Variants in ADAMTS17 observed in about 807,000 individuals in gnomAD.
ADAMTS17 encodes the protein A disintegrin and metalloproteinase with thrombospondin motifs 17.
In ADAMTS17, 113 loss-of-function variants were observed where a neutral mutation model predicts 141.5. The ratio of observed to expected loss-of-function variants is 0.80; its 90% CI spans 0.69 to 0.93. The LOEUF (loss-of-function observed/expected upper bound fraction) is 0.93, where lower values mean the gene tolerates loss of function less well. Ranked by LOEUF, ADAMTS17 falls within the 40% of genes least tolerant of loss-of-function variation. The pLI, the probability that ADAMTS17 is intolerant of heterozygous loss-of-function variation, is 0.00. For synonymous variants in ADAMTS17, 768 were observed against 630.6 expected, an observed-to-expected ratio of 1.22 and a Z score of -3.27; for missense variants, 1,659 against 1,517.9, an observed-to-expected ratio of 1.09 and a Z score of -1.54.
In ADAMTS17 at chr15:99,972,118, GTGGGCGCCT is replaced by G. The variant is rs2060221179; in HGVS notation, c.*2275_*2283del. On this transcript the variant is annotated 3_prime_UTR_variant, in exon 22 of 22. Transcript: ENST00000268070. ...TACAAAAAAGTAGGTGGGCGTGGTG[GTGGGCGCCT>G]GTAGTCCCAGCTACTGGGGAGGGTG... The G allele has an allele frequency of 6.6e-6, 1 of 152,378 alleles. No homozygotes were observed. Among genetic ancestry groups the G allele is most frequent in the African/African-American group, 2.4e-5 (1 of 41,436 alleles). The allele number at this position is 152,378 out of a possible 1,614,324, so 9.4% of individuals were successfully genotyped here.
chr15:100,063,802 T>A (rs760368206), intron 15 of ADAMTS17: 3 of 1,260,872 alleles, frequency 2.4e-6, no homozygotes, highest in Non-Finnish European at 2.1e-6. Context: ...ACCTCCACCC[T>A]GCACCAGAGG....
intron 3 of ADAMTS17, among the ~76,000 whole-genome samples, chr15:100,294,602 G>C (rs1246156704): frequency 6.6e-6 from 1 of 151,424 alleles, no homozygotes; most frequent in African/African-American, 2.4e-5. Context: ...CGGCGACTCA[G>C]GAGGCTGAGG....
chr15:99,993,329 C>T lies in ADAMTS17; in HGVS notation c.2797-129G>A, dbSNP rs2060729324. 3.7e-6 allele frequency: 5 copies of T among 1,359,778 alleles called. No homozygotes were observed. The highest frequency in any genetic ancestry group is 5.2e-6 in the Non-Finnish European group (5 of 967,020). The allele number at this position is 1,359,778 out of a possible 1,614,324, so 84.2% of individuals were successfully genotyped here. A position where few individuals can be genotyped will look rare whatever the true frequency, so the allele number is the denominator to read the frequency against. The stretch of plus-strand genomic sequence containing the variant: ...CAAAGATGAAAACCCACACTTCTGT[C>T]CTCAAAAAGCTCCTGGTCTGCAGGG... On this transcript the variant is annotated intron_variant, in intron 19 of 21. Coordinates refer to ENST00000268070, the MANE Select transcript of ADAMTS17 (RefSeq NM_139057.4). The surrounding 1 kb of genome is among the most constrained non-coding windows in gnomAD (Gnocchi z 4.3).
chr15:99,984,904 G>A (rs773390404), intron 20 of ADAMTS17, among the ~76,000 whole-genome samples: 9 of 152,234 alleles, frequency 5.9e-5, no homozygotes, highest in Non-Finnish European at 8.8e-5. Context: ...CTGCAAAGGC[G>A]GCTGGTTTGA....
intron 3 of ADAMTS17, among the ~76,000 whole-genome samples, chr15:100,292,033 C>G (rs987918888): frequency 6.9e-6 from 1 of 145,654 alleles, no homozygotes; most frequent in Non-Finnish European, 1.5e-5. Flanking sequence ...TGTGGAATCA[C>G]GAGAGACGCT....
At chr15:99,981,431 G>GAATT (rs1185834814) in intron 20 of ADAMTS17, among the ~76,000 whole-genome samples, 1 of 152,182 alleles carries the variant, frequency 6.6e-6, no homozygotes, top group African/African-American at 2.4e-5. Flanking sequence ...ACTCTCATCA[G>GAATT]AATTAGGGTT....
At chr15:100,226,559 C>T (rs535819660) in intron 7 of ADAMTS17, among the ~76,000 whole-genome samples, 4 of 152,316 alleles carry the variant, frequency 2.6e-5, no homozygotes, top group Admixed American at 6.5e-5. Context: ...GACTAGACAC[C>T]GAGTGGAAAT....
intron 18 of ADAMTS17, among the ~76,000 whole-genome samples, chr15:100,040,009 C>T (rs2031103801): frequency 6.6e-6 from 1 of 152,152 alleles, no homozygotes; most frequent in African/African-American, 2.4e-5. Flanking sequence ...TAGTATAGCA[C>T]TCCTGCTTTC....
At chr15:100,131,592 T>C (rs931924452) in intron 12 of ADAMTS17, among the ~76,000 whole-genome samples, 2 of 151,964 alleles carry the variant, frequency 1.3e-5, no homozygotes, top group Non-Finnish European at 2.9e-5. Context: ...ATGGCAAATA[T>C]TAGGATGAGG....
At chr15:100,008,792 G>A (rs1475073322) in intron 18 of ADAMTS17, among the ~76,000 whole-genome samples, 1 of 152,216 alleles carries the variant, frequency 6.6e-6, no homozygotes, top group East Asian at 1.9e-4. Flanking sequence ...GGTCAGCCCT[G>A]TGACTCTAAC....
intron 15 of ADAMTS17, among the ~76,000 whole-genome samples, chr15:100,092,068 A>T (rs1404009905): frequency 6.6e-6 from 1 of 152,068 alleles, no homozygotes; most frequent in African/African-American, 2.4e-5. Flanking sequence ...AAATATGAAA[A>T]CTTTTCTATG....
intron 7 of ADAMTS17, among the ~76,000 whole-genome samples, chr15:100,217,135 T>C (rs898924465): frequency 1.3e-5 from 2 of 152,186 alleles, no homozygotes; most frequent in African/African-American, 4.8e-5. Context: ...GGAGACTTCA[T>C]GTTCCACAAT....
chr15:100,083,666 T>G (rs1041547259), intron 15 of ADAMTS17, among the ~76,000 whole-genome samples: 35 of 151,618 alleles, frequency 2.3e-4, no homozygotes, highest in African/African-American at 8.5e-4. Flanking sequence ...TTGGAGAGAC[T>G]TCACAAATGT....
chr15:100,261,719 G>T, intron 5 of ADAMTS17, 83 bp from the exon 6 acceptor site: 4 of 1,468,902 alleles, frequency 2.7e-6, no homozygotes, highest in Non-Finnish European at 3.7e-6. Flanking sequence ...GGACGTTAAG[G>T]TGGAGGCAGT....
chr15:100,218,289 C>T (rs1386398130), intron 7 of ADAMTS17, among the ~76,000 whole-genome samples: 2 of 152,204 alleles, frequency 1.3e-5, no homozygotes, highest in South Asian at 2.1e-4. Flanking sequence ...AAACATACTG[C>T]ACCCCATAAA....
chr15:100,269,206 A>T (rs1299003583), intron 4 of ADAMTS17, among the ~76,000 whole-genome samples: 3 of 152,226 alleles, frequency 2.0e-5, no homozygotes, highest in Non-Finnish European at 4.4e-5. Context: ...ACCTTTCTGG[A>T]CAGCAGCCTT....
At chr15:100,021,739 A>T (rs1054302761) in intron 18 of ADAMTS17, among the ~76,000 whole-genome samples, 25 of 152,354 alleles carry the variant, frequency 1.6e-4, no homozygotes, top group African/African-American at 5.1e-4. Context: ...AAGAAGTACC[A>T]GGGTAGATGA....
intron 12 of ADAMTS17, among the ~76,000 whole-genome samples, chr15:100,124,974 T>C (rs1319871352): frequency 6.6e-6 from 1 of 152,150 alleles, no homozygotes; most frequent in East Asian, 1.9e-4. Context: ...ACAGGTAGAA[T>C]CAAGAGAGGC....
At chr15:100,207,727 G>A (rs1363311425) in intron 7 of ADAMTS17, among the ~76,000 whole-genome samples, 1 of 152,174 alleles carries the variant, frequency 6.6e-6, no homozygotes, top group African/African-American at 2.4e-5. Flanking sequence ...GCAGAGAAGT[G>A]CCATCCCTCA....
Sources: gnomAD v4.1 joint callset for allele counts (sites outside exome capture counted in the v4.1 genomes callset) on GRCh38, gnomAD v4.1.1 for gene constraint, Gnocchi (gnomAD v3.1) non-coding constraint, MANE v1.5 for transcripts, NCBI Gene and HGNC (gene_info 2026-07-23, HGNC 2026-07-21) for gene names.